CTNNA3: variants seen among roughly 807,000 people sequenced by gnomAD.
The protein encoded by CTNNA3 is catenin alpha-3.
In CTNNA3, 76 loss-of-function variants were observed where a neutral mutation model predicts 95.7. That is an observed-to-expected ratio of 0.79 (90% CI 0.66 to 0.96). CTNNA3 has a LOEUF of 0.96. Ranked by LOEUF, CTNNA3 falls within the 40% of genes least tolerant of loss-of-function variation. The pLI is 0.00. For synonymous variants in CTNNA3, 431 were observed against 374.4 expected (o/e 1.15, Z -1.74); for missense variants, 1,191 against 1,089.8 (o/e 1.09, Z -1.31).
At chr10:67,436,401 C>T (rs1419274766) in intron 5 of CTNNA3, among the ~76,000 whole-genome samples, 1 of 152,100 alleles carries the variant, frequency 6.6e-6, no homozygotes, top group Non-Finnish European at 1.5e-5. Context: ...CCCTTCTAGA[C>T]ATTGGCTTAG....
intron 9 of CTNNA3, among the ~76,000 whole-genome samples, chr10:66,758,617 G>C (rs771010915): frequency 5.3e-5 from 8 of 152,118 alleles, no homozygotes; most frequent in Non-Finnish European, 1.0e-4. Flanking sequence ...GTTCAGAGAA[G>C]TTTCACCCAC....
chr10:67,012,963 C>A (rs773919649), intron 7 of CTNNA3: 2 of 152,116 alleles, frequency 1.3e-5, no homozygotes, highest in Non-Finnish European at 2.9e-5. Flanking sequence ...AAAACCAACA[C>A]TTTTCCCTTA....
intron 7 of CTNNA3, among the ~76,000 whole-genome samples, chr10:66,982,888 G>GA (rs1850521505): frequency 6.6e-6 from 1 of 152,126 alleles, no homozygotes; most frequent in Admixed American, 6.6e-5. Context: ...AAGAAGGGGA[G>GA]AAGCATAAGA....
chr10:66,974,778 TC>T lies in CTNNA3; in HGVS notation c.1048-199255del, dbSNP rs891414187. Among the ~76,000 whole-genome samples, 145 of 152,320 alleles carry T rather than the reference TC, an allele frequency of 9.5e-4. 2 individuals are homozygous for T. The Middle Eastern group carries it at 0.02, about 21-fold the overall frequency. On this transcript the variant is annotated intron_variant, in intron 7 of 17. Coordinates refer to ENST00000433211, the MANE Select transcript of CTNNA3 (RefSeq NM_013266.4). ...CCCTAATGACTAATGACATTGCACATCTTTTCATGTGCTTACCAACCATTTG... is the reference window on the plus strand; with the variant it reads ...CCCTAATGACTAATGACATTGCACATTTTTCATGTGCTTACCAACCATTTG...
In CTNNA3 at chr10:66,445,564, T is replaced by C. The variant is rs1330685147; in HGVS notation, c.1532-66212A>G. Among the ~76,000 whole-genome samples the C allele has an allele frequency of 2.0e-5, 3 of 152,288 alleles. No homozygotes were observed. The East Asian group carries it at 5.8e-4, about 29-fold the overall frequency. ...ACATGGAAACGGAACAACTTGCTCC[T>C]GAATGACTACTGGGTACATAACAAA... On this transcript the variant is annotated intron_variant, in intron 11 of 17. Transcript: ENST00000433211.
At chr10:67,727,971 GAC>G (rs927938534) in intron 1 of CTNNA3, among the ~76,000 whole-genome samples, 11 of 131,874 alleles carry the variant, frequency 8.3e-5, no homozygotes, top group African/African-American at 2.9e-4. Flanking sequence ...TATAATAGAT[GAC>G]ACATAATACA....
chr10:67,555,253 A>G (rs1183584979), intron 3 of CTNNA3, among the ~76,000 whole-genome samples: 1 of 152,118 alleles, frequency 6.6e-6, no homozygotes, highest in African/African-American at 2.4e-5. Flanking sequence ...TTTTGGTTCC[A>G]TATGAACTTT....
At chr10:67,054,455 C>T (rs1855301605) in intron 7 of CTNNA3, among the ~76,000 whole-genome samples, 1 of 152,124 alleles carries the variant, frequency 6.6e-6, no homozygotes, top group Non-Finnish European at 1.5e-5. Context: ...AATCTCTGGC[C>T]TAATGCTTCA....
intron 17 of CTNNA3, among the ~76,000 whole-genome samples, chr10:65,963,031 T>A (rs879313248): frequency 1.1e-4 from 17 of 152,194 alleles, no homozygotes; most frequent in Non-Finnish European, 2.4e-4. Flanking sequence ...GACTAATTTT[T>A]AAAAGTCATT....
intron 1 of CTNNA3, among the ~76,000 whole-genome samples, chr10:67,721,155 G>A (rs756828746): frequency 5.9e-5 from 9 of 152,114 alleles, no homozygotes; most frequent in Non-Finnish European, 1.0e-4. Context: ...TCTTCTCAAG[G>A]AGTATCTCTG....
chr10:67,603,756 T>C (rs1345689371), intron 3 of CTNNA3, among the ~76,000 whole-genome samples: 1 of 152,160 alleles, frequency 6.6e-6, no homozygotes, highest in Non-Finnish European at 1.5e-5. Context: ...TTTATAAAGT[T>C]AAAAAGTTGC....
chr10:65,924,256 C>G (rs2077132398), intron 17 of CTNNA3, among the ~76,000 whole-genome samples: 1 of 152,128 alleles, frequency 6.6e-6, no homozygotes, highest in African/African-American at 2.4e-5. Context: ...GTGTTTCAAC[C>G]TTAGCTTCCT....
intron 17 of CTNNA3, among the ~76,000 whole-genome samples, chr10:65,940,271 T>C (rs1211043891): frequency 6.6e-6 from 1 of 152,190 alleles, no homozygotes; most frequent in Non-Finnish European, 1.5e-5. Context: ...CAATATTGTT[T>C]CATAACAGTT....
At chr10:66,689,704 A>T (rs945649795) in intron 9 of CTNNA3, among the ~76,000 whole-genome samples, 1 of 152,202 alleles carries the variant, frequency 6.6e-6, no homozygotes, top group Non-Finnish European at 1.5e-5. Context: ...GAGTCCAATA[A>T]TCTTCTAAAT....
At chr10:65,980,809 C>T (rs2078305409) in intron 16 of CTNNA3, among the ~76,000 whole-genome samples, 1 of 151,922 alleles carries the variant, frequency 6.6e-6, no homozygotes, top group Non-Finnish European at 1.5e-5. Flanking sequence ...ATGATTAAAG[C>T]CCTCAGCAAA....
chr10:67,205,166 G>A (rs924154492), intron 6 of CTNNA3, among the ~76,000 whole-genome samples: 3 of 152,192 alleles, frequency 2.0e-5, no homozygotes, highest in African/African-American at 7.2e-5. Context: ...TTCTCCCAAA[G>A]TTAGCTTGGC....
chr10:66,371,950 G>A (rs974259493), intron 12 of CTNNA3, among the ~76,000 whole-genome samples: 1 of 152,144 alleles, frequency 6.6e-6, no homozygotes, highest in East Asian at 1.9e-4. Flanking sequence ...TCTGAAATGT[G>A]GTAGCGAATA....
chr10:67,485,559 A>C (rs1208544913), intron 5 of CTNNA3, among the ~76,000 whole-genome samples: 1 of 152,228 alleles, frequency 6.6e-6, no homozygotes, highest in African/African-American at 2.4e-5. Context: ...GACCCATTTA[A>C]GGTCACAGCA....
chr10:66,531,662 C>T (rs952230922), intron 10 of CTNNA3, among the ~76,000 whole-genome samples: 12 of 152,032 alleles, frequency 7.9e-5, no homozygotes, highest in Non-Finnish European at 1.8e-4. Context: ...ACTCAACAAT[C>T]ATTTTAATAT....
Sources: allele counts gnomAD v4.1 joint callset (sites outside exome capture counted in the v4.1 genomes callset), GRCh38; gene constraint gnomAD v4.1.1; transcripts MANE v1.5; gene names NCBI Gene and HGNC (gene_info 2026-07-23, HGNC 2026-07-21).